WLS: variants seen among roughly 807,000 people sequenced by gnomAD.
WLS encodes the protein protein wntless homolog.
In WLS, 23 loss-of-function variants were observed where a neutral mutation model predicts 62.8. The observed-to-expected ratio is 0.37, with a 90% confidence interval of 0.26 to 0.52. The LOEUF (loss-of-function observed/expected upper bound fraction) is 0.52, where lower values mean the gene tolerates loss of function less well. WLS is among the 20% of genes least tolerant of loss of function. WLS has a pLI of 0.92. For synonymous variants in WLS, 246 were observed against 244.1 expected, an observed-to-expected ratio of 1.01 and a Z score of -0.07; for missense variants, 615 against 697.3, an observed-to-expected ratio of 0.88 and a Z score of 1.33.
intron 2 of WLS, among the ~76,000 whole-genome samples, chr1:68,192,768 T>C (rs11587896): frequency 8.8e-5 from 1 of 11,368 alleles, no homozygotes; most frequent in African/African-American, 5.8e-4. Flanking sequence ...CTCTGTCTCT[T>C]AAAAAAAAAA....
At chr1:68,127,863 G>A (rs1306860782) in intron 11 of WLS, among the ~76,000 whole-genome samples, 1 of 152,256 alleles carries the variant, frequency 6.6e-6, no homozygotes, top group Admixed American at 6.5e-5. Context: ...TAGAACCCCA[G>A]ATGTCACTCC....
At chr1:68,146,928 C>T (rs565101585) in intron 8 of WLS, among the ~76,000 whole-genome samples, 6 of 152,044 alleles carry the variant, frequency 3.9e-5, no homozygotes, top group South Asian at 4.2e-4. Context: ...TTTTGTTGCC[C>T]GGGCTGAAGT....
chr1:68,189,799 C>T (rs1432044041), intron 2 of WLS, among the ~76,000 whole-genome samples: 2 of 152,112 alleles, frequency 1.3e-5, no homozygotes, highest in African/African-American at 4.8e-5. Context: ...TTTGGGAGGC[C>T]GAGGTGGGTG....
chr1:68,141,170 TAAC>T (rs762339021), intron 10 of WLS, among the ~76,000 whole-genome samples: 2 of 152,130 alleles, frequency 1.3e-5, no homozygotes, highest in South Asian at 2.1e-4. Context: ...ACATTCCACT[TAAC>T]AACAAGATTT....
chr1:68,141,472 C>G (rs978188692), intron 10 of WLS: 1 of 152,210 alleles, frequency 6.6e-6, no homozygotes, highest in Non-Finnish European at 1.5e-5. Context: ...CTCTTGGTTG[C>G]TATGACTGAG....
intron 1 of WLS, chr1:68,201,989 C>T (rs2100627910): frequency 6.6e-6 from 1 of 152,232 alleles, no homozygotes; most frequent in South Asian, 2.1e-4. Flanking sequence ...ATTTTAAATG[C>T]TTCGCCTACA....
chr1:68,174,331 G>A (rs146531361), intron 2 of WLS, among the ~76,000 whole-genome samples: 153 of 152,238 alleles, frequency 1.0e-3, no homozygotes, highest in East Asian at 9.5e-3. Flanking sequence ...TGTTTCATAC[G>A]GCTTATGTGG....
In WLS at chr1:68,148,660, C is replaced by A; in HGVS notation, c.973G>T (p.Asp325Tyr). 1 of 1,613,480 alleles carries A rather than the reference C, an allele frequency of 6.2e-7. No homozygotes were observed. The highest frequency in any genetic ancestry group is 1.7e-5 in the Admixed American group (1 of 59,990). The change falls in exon 7 of 12, where the codon GAT becomes TAT. Residue 325 changes from aspartate (D) to tyrosine (Y), a missense_variant and splice_region_variant. Coordinates refer to ENST00000262348, the MANE Select transcript of WLS (RefSeq NM_024911.7). ...GCGATGTGGTTCCGCTCGTGCTGAT[C>A]CTGAGGAAAACCAAATTGAGAAGGG... ...WIIFCGEHMM[D>Y]QHERNHIAGY...
At chr1:68,217,561 G>A (rs1002174987) in intron 1 of WLS, among the ~76,000 whole-genome samples, 2 of 152,202 alleles carry the variant, frequency 1.3e-5, no homozygotes, top group African/African-American at 4.8e-5. Flanking sequence ...TATGGACAAA[G>A]CCATAACAGA....
At chr1:68,144,389 A>C (rs1646726195) in intron 10 of WLS, among the ~76,000 whole-genome samples, 180 bp downstream of exon 10, 1 of 152,206 alleles carries the variant, frequency 6.6e-6, no homozygotes, top group African/African-American at 2.4e-5. Context: ...GGTTTTACGG[A>C]AAGAGAAAAT....
At chr1:68,193,818 G>A in intron 2 of WLS, 137 bp downstream of exon 2, 2 of 1,163,324 alleles carry the variant, frequency 1.7e-6, no homozygotes, top group South Asian at 1.6e-5. Context: ...AAAGTACACA[G>A]AAAGTGCCTG....
chr1:68,105,968 A>G (rs1251859172), intron 11 of WLS, among the ~76,000 whole-genome samples: 2 of 152,234 alleles, frequency 1.3e-5, no homozygotes, highest in African/African-American at 2.4e-5. Context: ...ATGGTGATAC[A>G]TAATCACTTC....
intron 2 of WLS, among the ~76,000 whole-genome samples, chr1:68,186,269 C>T (rs1436366112): frequency 2.0e-5 from 3 of 152,132 alleles, no homozygotes; most frequent in African/African-American, 7.2e-5. Flanking sequence ...ACCTGTATCA[C>T]TTTTAAATTG....
At chr1:68,098,625 T>G (rs1646037942) in exon 12 of WLS, 1 of 1,613,372 alleles carries the variant, frequency 6.2e-7, no homozygotes. Context: ...TGTGTTGCCT[T>G]GTTGACTCAA....
chr1:68,116,774 G>T (rs2566762), intron 11 of WLS, among the ~76,000 whole-genome samples: 8,020 of 152,236 alleles, frequency 0.053, 249 homozygotes, highest in African/African-American at 0.092. Flanking sequence ...GTTGTTGGGT[G>T]AATGAATCTA....
Position 68,115,254 on chromosome 1 carries a change from G to A in WLS, c.1511-16501C>T, listed in dbSNP as rs772164074. On this transcript the variant is annotated intron_variant, in intron 11 of 11. Coordinates refer to the WLS transcript ENST00000354777. ...TTAACCCTCTCCCTCTCAGGGACAC[G>A]AAGAAGATCTGTTGCTTCCAGATTG... Among the ~76,000 whole-genome samples, 4 of 152,284 alleles carry A rather than the reference G, an allele frequency of 2.6e-5. No individual in the cohort carries two copies. The East Asian group carries it at 5.8e-4, about 22-fold the overall frequency.
At chr1:68,172,296 A>G (rs1647165615) in intron 2 of WLS, among the ~76,000 whole-genome samples, 2 of 132,838 alleles carry the variant, frequency 1.5e-5, no homozygotes, top group South Asian at 5.1e-4. Flanking sequence ...TGTATCCCAG[A>G]ACTTAAAGTA....
chr1:68,158,586 G>A (rs531670661), intron 3 of WLS, among the ~76,000 whole-genome samples: 1 of 149,896 alleles, frequency 6.7e-6, no homozygotes, highest in African/African-American at 2.5e-5. Flanking sequence ...AATAGCTGAT[G>A]AGCTAAAAAA....
intron 10 of WLS, among the ~76,000 whole-genome samples, chr1:68,139,353 T>TA (rs1323724909): frequency 6.6e-6 from 1 of 152,180 alleles, no homozygotes; most frequent in East Asian, 1.9e-4. Flanking sequence ...CAGAATATAC[T>TA]AACTTTATAA....
Sources: gnomAD v4.1 joint callset for allele counts (sites outside exome capture counted in the v4.1 genomes callset) on GRCh38, gnomAD v4.1.1 for gene constraint, MANE v1.5 for transcripts, NCBI Gene and HGNC (gene_info 2026-07-23, HGNC 2026-07-21) for gene names.